Variants in ATP8A2 observed in about 807,000 individuals in gnomAD.
ATP8A2 encodes phospholipid-transporting ATPase IB.
In ATP8A2, 100 loss-of-function variants were observed where a neutral mutation model predicts 165.6. The ratio of observed to expected loss-of-function variants is 0.60; its 90% CI spans 0.51 to 0.71. The LOEUF (loss-of-function observed/expected upper bound fraction) is 0.71. ATP8A2 is among the 30% of genes least tolerant of loss of function. ATP8A2 has a pLI of 0.00. For synonymous variants in ATP8A2, 543 were observed against 548.8 expected, an observed-to-expected ratio of 0.99 and a Z score of 0.15; for missense variants, 1,227 against 1,479.5, an observed-to-expected ratio of 0.83 and a Z score of 2.80.
At chr13:25,571,758 CATGTCT>C (rs2039474388) in intron 18 of ATP8A2, 66 bp downstream of exon 18, 1 of 1,318,308 alleles carries the variant, frequency 7.6e-7, no homozygotes, top group Admixed American at 1.7e-5. Context: ...TGTGAAATGG[CATGTCT>C]ATTGTAAATA....
chr13:25,407,013 A>G (rs907107031), intron 1 of ATP8A2, among the ~76,000 whole-genome samples: 1 of 152,214 alleles, frequency 6.6e-6, no homozygotes, highest in African/African-American at 2.4e-5. Context: ...GAGAAAGGAC[A>G]CTTACCTGGC....
chr13:25,650,738 T>A (rs1474024264), intron 24 of ATP8A2, among the ~76,000 whole-genome samples: 1 of 152,228 alleles, frequency 6.6e-6, no homozygotes, highest in African/African-American at 2.4e-5. Flanking sequence ...TTCCTGTATT[T>A]ATTGACATGA....
In ATP8A2 at chr13:25,859,925, A is replaced by G. The variant is rs141143055; in HGVS notation, c.2957-270A>G. The stretch of plus-strand genomic sequence containing the variant: ...ACAAACTGGACAAAGATAAATTTTA[A>G]TGTTTACAAAAATGTAAATTTCAGT... On this transcript the variant is annotated intron_variant, in intron 30 of 36. Transcript: ENST00000381655. Among the ~76,000 whole-genome samples, 730 of 152,308 alleles carry G rather than the reference A, an allele frequency of 4.8e-3. 6 individuals are homozygous for G. Among genetic ancestry groups the G allele is most frequent in the African/African-American group, 0.017 (694 of 41,570 alleles).
intron 33 of ATP8A2, among the ~76,000 whole-genome samples, chr13:25,921,173 C>G (rs1013305548): frequency 6.6e-6 from 1 of 152,106 alleles, no homozygotes; most frequent in African/African-American, 2.4e-5. Flanking sequence ...ACTCCCATTG[C>G]GTTGTAAAAG....
chr13:25,945,175 G>T (rs1475937245), intron 33 of ATP8A2, among the ~76,000 whole-genome samples: 1 of 152,186 alleles, frequency 6.6e-6, no homozygotes, highest in Non-Finnish European at 1.5e-5. Context: ...TTGGAAGTCG[G>T]AATGATTGCA....
intron 28 of ATP8A2, among the ~76,000 whole-genome samples, chr13:25,833,301 T>C (rs972261821): frequency 6.6e-6 from 1 of 152,068 alleles, no homozygotes; most frequent in African/African-American, 2.4e-5. Context: ...TGATTCCACA[T>C]AGACTCAATC....
chr13:25,856,997 G>C (rs910407074), intron 30 of ATP8A2, among the ~76,000 whole-genome samples: 2 of 152,146 alleles, frequency 1.3e-5, no homozygotes, highest in African/African-American at 4.8e-5. Context: ...ATTCCTTTAA[G>C]AATGTAACTT....
At chr13:25,552,439 A>G (rs1333794374) in intron 11 of ATP8A2, among the ~76,000 whole-genome samples, 1 of 152,166 alleles carries the variant, frequency 6.6e-6, no homozygotes, top group Non-Finnish European at 1.5e-5. Flanking sequence ...ACATCTGTAT[A>G]TAAGTTCAAC....
At chr13:25,673,767 T>C (rs1378407217) in intron 24 of ATP8A2, among the ~76,000 whole-genome samples, 1 of 152,186 alleles carries the variant, frequency 6.6e-6, no homozygotes, top group East Asian at 1.9e-4. Context: ...CTGAAGTAAC[T>C]TATAAAATGA....
intron 1 of ATP8A2, among the ~76,000 whole-genome samples, chr13:25,445,679 T>G (rs2035047814): frequency 6.6e-6 from 1 of 152,226 alleles, no homozygotes; most frequent in East Asian, 1.9e-4. Context: ...GAGGACTCAT[T>G]GGCGTCAAAT....
intron 24 of ATP8A2, among the ~76,000 whole-genome samples, chr13:25,611,852 G>C (rs2040696439): frequency 6.6e-6 from 1 of 151,926 alleles, no homozygotes; most frequent in Non-Finnish European, 1.5e-5. Context: ...ATTTATTCCT[G>C]GTTTAATCTA....
chr13:25,635,806 A>G (rs992432770), intron 24 of ATP8A2, among the ~76,000 whole-genome samples: 3 of 152,248 alleles, frequency 2.0e-5, no homozygotes, highest in African/African-American at 4.8e-5. Flanking sequence ...TTGGAAAGAC[A>G]TAAAAGGAAA....
At chr13:25,880,214 A>G (rs1303881294) in intron 33 of ATP8A2, among the ~76,000 whole-genome samples, 1 of 152,234 alleles carries the variant, frequency 6.6e-6, no homozygotes, top group Non-Finnish European at 1.5e-5. Flanking sequence ...AGCAATTTGA[A>G]TAACAATTTT....
chr13:25,936,394 G>A (rs1408254346), intron 33 of ATP8A2, among the ~76,000 whole-genome samples: 3 of 152,218 alleles, frequency 2.0e-5, no homozygotes. Flanking sequence ...TTGTGGAGAC[G>A]CAGACAGGCC....
intron 33 of ATP8A2, 46 bp downstream of exon 33, chr13:25,862,454 C>A: frequency 6.9e-7 from 1 of 1,447,580 alleles, no homozygotes; most frequent in Non-Finnish European, 9.7e-7. Flanking sequence ...CTTGTGACAG[C>A]AATGTTTCTC....
At chr13:25,686,900 A>G (rs940742529) in intron 24 of ATP8A2, among the ~76,000 whole-genome samples, 6 of 152,022 alleles carry the variant, frequency 3.9e-5, no homozygotes, top group Non-Finnish European at 5.9e-5. Context: ...TTATTTGTGT[A>G]GTGTCTGTCC....
intron 33 of ATP8A2, among the ~76,000 whole-genome samples, chr13:25,942,127 G>A (rs1955087832): frequency 6.6e-6 from 1 of 152,076 alleles, no homozygotes; most frequent in Non-Finnish European, 1.5e-5. Context: ...TTATCATAGT[G>A]ATATAATTGT....
intron 33 of ATP8A2, among the ~76,000 whole-genome samples, chr13:25,891,297 G>T (rs1352836462): frequency 6.6e-6 from 1 of 151,990 alleles, no homozygotes; most frequent in Non-Finnish European, 1.5e-5. Flanking sequence ...TAGAAATCAG[G>T]TTGCTTGTTA....
intron 24 of ATP8A2, among the ~76,000 whole-genome samples, chr13:25,686,867 G>A (rs1284655180): frequency 1.3e-5 from 2 of 152,056 alleles, no homozygotes; most frequent in South Asian, 2.1e-4. Flanking sequence ...GCTCTTAACA[G>A]CTCATGACAC....
Sources: allele counts gnomAD v4.1 joint callset (sites outside exome capture counted in the v4.1 genomes callset), GRCh38; gene constraint gnomAD v4.1.1; transcripts MANE v1.5; gene names NCBI Gene and HGNC (gene_info 2026-07-23, HGNC 2026-07-21).